ROBO2: variants seen among roughly 807,000 people sequenced by gnomAD.
The protein encoded by ROBO2 is roundabout homolog 2.
In ROBO2, 53 loss-of-function variants were observed where a neutral mutation model predicts 160.8. The ratio of observed to expected loss-of-function variants is 0.33; its 90% CI spans 0.26 to 0.41. The LOEUF (loss-of-function observed/expected upper bound fraction) is 0.41. Ranked by LOEUF, ROBO2 falls within the 10% of genes least tolerant of loss-of-function variation. The pLI is 1.00. For missense variants in ROBO2, 1,577 were observed against 1,722.4 expected (o/e 0.92, Z 1.49); for synonymous variants, 664 against 611.7 (o/e 1.09, Z -1.26).
In ROBO2 at chr3:77,427,540, G is replaced by C. The variant is rs1037136796; in HGVS notation, c.389-49874G>C. Reference sequence around the variant, plus strand: ...ATTTGTTGTTTGGGATGAGTGGGTTGAGGGGACAAGAAATTTCAATCCCAA... The same window carrying C: ...ATTTGTTGTTTGGGATGAGTGGGTTCAGGGGACAAGAAATTTCAATCCCAA... On this transcript the variant is annotated intron_variant, in intron 2 of 25. Transcript: ENST00000461745. Among the ~76,000 whole-genome samples the C allele has an allele frequency of 3.3e-5, 5 of 152,288 alleles. No homozygotes were observed. The East Asian group carries it at 9.7e-4, about 30-fold the overall frequency.
chr3:77,583,172 AAAGG>A (rs2093963283), intron 16 of ROBO2, among the ~76,000 whole-genome samples: 1 of 151,580 alleles, frequency 6.6e-6, no homozygotes, highest in African/African-American at 2.4e-5. Flanking sequence ...AAAAAAAAAA[AAAGG>A]AAAAAACATT....
chr3:77,492,477 C>T (rs1233995968), intron 4 of ROBO2, among the ~76,000 whole-genome samples: 2 of 151,490 alleles, frequency 1.3e-5, no homozygotes, highest in African/African-American at 4.9e-5. Context: ...GTGCCAAATA[C>T]AGATTAATAA....
In ROBO2 at chr3:76,185,364, A is replaced by C. The variant is rs562108748; in HGVS notation, c.109+247762A>C. Among the ~76,000 whole-genome samples the C allele has an allele frequency of 2.0e-5, 3 of 151,742 alleles. No individual in the cohort carries two copies. The East Asian group carries it at 5.8e-4, about 30-fold the overall frequency. On this transcript the variant is annotated intron_variant, in intron 2 of 26. Coordinates refer to the ROBO2 transcript ENST00000487694. ...ATCTGTTTGATTACTTGCAAAATTA[A>C]ATATATTTTCACATGTTTATTGGCT... is the stretch of plus-strand genomic sequence containing the variant.
At chr3:77,599,981 A>G (rs2094399766) in intron 19 of ROBO2, among the ~76,000 whole-genome samples, 1 of 152,174 alleles carries the variant, frequency 6.6e-6, no homozygotes, top group Non-Finnish European at 1.5e-5. Flanking sequence ...TACAAGTATA[A>G]CCAAGGTGCT....
chr3:76,629,461 C>T (rs1462425462), intron 2 of ROBO2, among the ~76,000 whole-genome samples: 1 of 152,132 alleles, frequency 6.6e-6, no homozygotes, highest in Non-Finnish European at 1.5e-5. Flanking sequence ...AGCTGAAGAA[C>T]TTGGAGTCCA....
At chr3:77,434,682 C>T (rs1215360353) in intron 2 of ROBO2, among the ~76,000 whole-genome samples, 1 of 152,026 alleles carries the variant, frequency 6.6e-6, no homozygotes. Context: ...TCCCCATTAC[C>T]ATGCATAATG....
chr3:76,152,044 T>C (rs2072228095), intron 2 of ROBO2, among the ~76,000 whole-genome samples: 1 of 152,212 alleles, frequency 6.6e-6, no homozygotes, highest in South Asian at 2.1e-4. Context: ...GTGAAACTAC[T>C]AAATTTTTCT....
Position 77,294,361 on chromosome 3 carries a change from G to T in ROBO2, c.389-183053G>T, listed in dbSNP as rs1293872468. Among the ~76,000 whole-genome samples the T allele has an allele frequency of 5.6e-5, 8 of 142,880 alleles. 1 individual carries two copies. The highest frequency in any genetic ancestry group is 1.2e-4 in the Non-Finnish European group (8 of 66,688). 93.7% of individuals were successfully genotyped at this position (142,880 alleles called of 152,430 possible). A position where few individuals can be genotyped will look rare whatever the true frequency, so the allele number is the denominator to read the frequency against. ...CCAAAGACATAAAGTAAAATTGATG[G>T]TTAAACGGGTAAGCTGAGGCTAGGT... On this transcript the variant is annotated intron_variant, in intron 2 of 25. Coordinates refer to ENST00000461745, the Ensembl canonical transcript of ROBO2.
intron 19 of ROBO2, among the ~76,000 whole-genome samples, chr3:77,597,660 A>T (rs927341724): frequency 6.6e-6 from 1 of 152,178 alleles, no homozygotes; most frequent in African/African-American, 2.4e-5. Flanking sequence ...CTATGAACAG[A>T]ATATTATTTA....
At chr3:77,559,693 TTA>T (rs376833929) in intron 9 of ROBO2, among the ~76,000 whole-genome samples, 159 of 152,238 alleles carry the variant, frequency 1.0e-3, no homozygotes, top group African/African-American at 3.5e-3. Flanking sequence ...ATGTTTACAA[TTA>T]TATGTTTATC....
chr3:76,685,165 A>T (rs1370926104), intron 2 of ROBO2, among the ~76,000 whole-genome samples: 1 of 147,322 alleles, frequency 6.8e-6, no homozygotes, highest in Non-Finnish European at 1.5e-5. Context: ...CCACCAAACT[A>T]TTCATGGGTT....
intron 2 of ROBO2, among the ~76,000 whole-genome samples, chr3:77,224,283 A>T (rs1188644373): frequency 6.6e-6 from 1 of 151,992 alleles, no homozygotes; most frequent in Non-Finnish European, 1.5e-5. Context: ...ATCGAAAGGC[A>T]TTGAACATAG....
intron 2 of ROBO2, among the ~76,000 whole-genome samples, chr3:76,706,408 A>C (rs2093164465): frequency 6.6e-6 from 1 of 152,060 alleles, no homozygotes; most frequent in African/African-American, 2.4e-5. Flanking sequence ...TCAAAAGTGA[A>C]AATGTTATCA....
intron 4 of ROBO2, among the ~76,000 whole-genome samples, chr3:77,483,699 A>G (rs1016142089): frequency 6.7e-6 from 1 of 148,544 alleles, no homozygotes; most frequent in African/African-American, 2.4e-5. Flanking sequence ...TCAAAAAAAT[A>G]AGTATATATA....
At chr3:76,797,157 C>T (rs2063761817) in intron 2 of ROBO2, among the ~76,000 whole-genome samples, 1 of 152,096 alleles carries the variant, frequency 6.6e-6, no homozygotes, top group Non-Finnish European at 1.5e-5. Flanking sequence ...TTCTTCTCCT[C>T]AGCACATGGA....
Position 76,389,075 on chromosome 3 carries a change from A to T in ROBO2, c.109+451473A>T, listed in dbSNP as rs554646393. ...GCCCTGAAGTTAGAAAACACATTTGAAAAATGGAAGGACTTTTGCCTACAT... is the reference window on the plus strand; with the variant it reads ...GCCCTGAAGTTAGAAAACACATTTGTAAAATGGAAGGACTTTTGCCTACAT... On this transcript the variant is annotated intron_variant, in intron 2 of 26. Coordinates refer to the ROBO2 transcript ENST00000487694. Among the ~76,000 whole-genome samples, 13 of 152,342 alleles carry T rather than the reference A, an allele frequency of 8.5e-5. No individual in the cohort carries two copies. The East Asian group carries it at 2.5e-3, about 29-fold the overall frequency.
At chr3:77,086,347 C>T (rs1290222205) in intron 1 of ROBO2, among the ~76,000 whole-genome samples, 1 of 152,102 alleles carries the variant, frequency 6.6e-6, no homozygotes, top group African/African-American at 2.4e-5. Flanking sequence ...TCGACTGATA[C>T]TGCTATGTTT....
chr3:76,649,275 G>C (rs553610697), intron 2 of ROBO2, among the ~76,000 whole-genome samples: 42 of 152,246 alleles, frequency 2.8e-4, no homozygotes, highest in African/African-American at 9.1e-4. Flanking sequence ...TTCAGAAACT[G>C]CGTTTCTTTG....
At chr3:76,439,523 T>C (rs2076829073) in intron 2 of ROBO2, among the ~76,000 whole-genome samples, 1 of 152,036 alleles carries the variant, frequency 6.6e-6, no homozygotes, top group Admixed American at 6.6e-5. Flanking sequence ...TGACGATGAA[T>C]CAAAAAGCTA....
Sources: allele counts gnomAD v4.1 joint callset (sites outside exome capture counted in the v4.1 genomes callset), GRCh38; gene constraint gnomAD v4.1.1; transcripts MANE v1.5; gene names NCBI Gene and HGNC (gene_info 2026-07-23, HGNC 2026-07-21).